DNAH9: variants seen among roughly 807,000 people sequenced by gnomAD.
DNAH9 encodes DNAH9 variant protein.
Under a neutral mutation model 471.6 loss-of-function variants are expected in DNAH9, and 345 were observed. That is an observed-to-expected ratio of 0.73 (90% CI 0.67 to 0.80). The LOEUF is 0.80. Ranked by LOEUF, DNAH9 falls within the 30% of genes least tolerant of loss-of-function variation. DNAH9 has a pLI of 0.00. For synonymous variants in DNAH9, 2,093 were observed against 2,123.6 expected (o/e 0.99, Z 0.40); for missense variants, 5,407 against 5,609.2 (o/e 0.96, Z 1.15).
chr17:11,833,486 G>A (rs546093974), intron 48 of DNAH9, among the ~76,000 whole-genome samples: 1 of 152,212 alleles, frequency 6.6e-6, no homozygotes, highest in South Asian at 2.1e-4. Flanking sequence ...GTGCCCTGCG[G>A]TAGGCGGGCT....
At chr17:11,612,092 G>A in intron 4 of DNAH9, 1 of 582,212 alleles carries the variant, frequency 1.7e-6, no homozygotes, top group Admixed American at 3.0e-5. Flanking sequence ...TATACAGGTG[G>A]AAGAACTTAT....
chr17:11,706,974 T>C (rs2074713650), intron 26 of DNAH9, among the ~76,000 whole-genome samples: 1 of 152,150 alleles, frequency 6.6e-6, no homozygotes. Flanking sequence ...CAGTAAGTAG[T>C]GATAAACTAT....
At chr17:11,668,990 CT>C (rs2073930068) in intron 15 of DNAH9, 73 bp from the exon 16 acceptor site, 1 of 1,060,630 alleles carries the variant, frequency 9.4e-7, no homozygotes, top group Non-Finnish European at 1.4e-6. Flanking sequence ...GCTCTGGGTG[CT>C]TTTAAAACAG....
At chr17:11,802,989 C>G (rs1257964776) in intron 43 of DNAH9, among the ~76,000 whole-genome samples, 1 of 152,152 alleles carries the variant, frequency 6.6e-6, no homozygotes. Flanking sequence ...ATGCTTAACC[C>G]CCAAGCCTAA....
intron 48 of DNAH9, among the ~76,000 whole-genome samples, chr17:11,824,240 T>C (rs1174546437): frequency 6.6e-6 from 1 of 152,228 alleles, no homozygotes; most frequent in African/African-American, 2.4e-5. Context: ...TTGGACATCA[T>C]GTGTTCCTGT....
intron 43 of DNAH9, among the ~76,000 whole-genome samples, chr17:11,805,917 A>G (rs148529278): frequency 2.0e-5 from 3 of 152,088 alleles, no homozygotes; most frequent in Non-Finnish European, 4.4e-5. Context: ...AACCCTCTCC[A>G]GATGGGGTTT....
intron 49 of DNAH9, among the ~76,000 whole-genome samples, chr17:11,849,488 A>G (rs199774928): frequency 6.6e-6 from 1 of 152,180 alleles, no homozygotes; most frequent in East Asian, 1.9e-4. Context: ...CCTCTCAGCC[A>G]TCCTCTCCAC....
chr17:11,622,581 T>G (rs2150661192), intron 6 of DNAH9, among the ~76,000 whole-genome samples: 1 of 152,272 alleles, frequency 6.6e-6, no homozygotes, highest in Non-Finnish European at 1.5e-5. Context: ...GCTCCAGCCC[T>G]GCAGATGGCC....
chr17:11,664,969 G>T lies in DNAH9; in HGVS notation c.2731+1G>T. ...CTCAAGTATCTTCTGGAAAATACTG[G>T]TACTTACTGGCTTATGGATGTGGGT... On this transcript the variant is annotated splice_donor_variant, in intron 15 of 68. Transcript: ENST00000262442. LOFTEE classifies it high-confidence loss of function. 6.2e-7 allele frequency: 1 copy of T among 1,611,858 alleles called. No homozygotes were observed. The highest frequency in any genetic ancestry group is 1.1e-5 in the South Asian group (1 of 90,658).
intron 50 of DNAH9, among the ~76,000 whole-genome samples, chr17:11,866,792 G>T (rs1229563353): frequency 1.3e-5 from 2 of 152,240 alleles, no homozygotes; most frequent in Non-Finnish European, 2.9e-5. Context: ...CTAGCAATCA[G>T]CGAGATTCTG....
At position 11,932,129 on chromosome 17, in the gene DNAH9, G is replaced by A. The variant is rs779993508; in HGVS notation, c.12221G>A (p.Arg4074His). 7.4e-6 allele frequency: 12 copies of A among 1,613,990 alleles called. No individual in the cohort carries two copies. The highest frequency in any genetic ancestry group is 3.3e-4 in the Middle Eastern group (2 of 6,078). The stretch of plus-strand genomic sequence containing the variant: ...AAATTTGGGCCCCAGGGATGGAATC[G>A]CTCATACCCCTTTAACACTGGAGAC... Reference protein sequence around the residue: ...RRKFGPQGWNRSYPFNTGDLT... With the variant: ...RRKFGPQGWNHSYPFNTGDLT... The change falls in exon 64 of 69, where the codon CGC becomes CAC. Residue 4074 changes from arginine to histidine, a missense_variant. Transcript: ENST00000262442. This position sits in a 1 kb window ranked among gnomAD's most constrained non-coding sequence, Gnocchi z 4.3.
At chr17:11,902,654 C>A in intron 59 of DNAH9, 65 bp from the exon 60 acceptor site, 1 of 1,469,560 alleles carries the variant, frequency 6.8e-7, no homozygotes. Flanking sequence ...CCCTCAATCC[C>A]CCAACACAAT....
At chr17:11,619,083 T>A (rs2072803049) in intron 5 of DNAH9, among the ~76,000 whole-genome samples, 1 of 152,230 alleles carries the variant, frequency 6.6e-6, no homozygotes, top group Non-Finnish European at 1.5e-5. Flanking sequence ...CCTTAGATGA[T>A]GTCAGCCAGA....
Position 11,652,866 on chromosome 17 carries a change from C to T in DNAH9, c.2459C>T (p.Thr820Ile). Residue 820 changes from threonine to isoleucine, a missense_variant, in exon 14 of 69, where the codon ACA becomes ATA. Transcript: ENST00000262442. ...NVEEIQNIMKTWVTPIFKTKD... is the reference protein window; with the variant it reads ...NVEEIQNIMKIWVTPIFKTKD... ...GAAGAGATCCAAAACATCATGAAAA[C>T]ATGGGTGACTCCAATATTTAAGACA... is the stretch of plus-strand genomic sequence containing the variant. 1 of 1,614,022 alleles carries T rather than the reference C, an allele frequency of 6.2e-7. No homozygotes were observed.
chr17:11,881,328 A>C lies in DNAH9; in HGVS notation c.10721A>C (p.Asn3574Thr). 1 of 1,614,014 alleles carries C rather than the reference A, an allele frequency of 6.2e-7. No individual in the cohort carries two copies. The highest frequency in any genetic ancestry group is 8.5e-7 in the Non-Finnish European group (1 of 1,179,984). ...CTGCAGGCTCAGGCCACCCTGATCA[A>C]CTTCACCGTGACCAGGGATGGCCTG... ...PELQAQATLI[N>T]FTVTRDGLED... The change falls in exon 55 of 69, where the codon AAC (asparagine) becomes ACC (threonine). Residue 3574 changes from asparagine (N) to threonine (T), a missense_variant. Physicochemically the swap from Asn to Thr is moderately conservative, Grantham distance 65. Around this residue, in one of 3 missense-constraint regions of DNAH9, gnomAD observed 4,636 missense variants for 4,900.3 expected, o/e 0.95. Transcript: ENST00000262442.
chr17:11,702,220 G>A (rs1231155212), intron 24 of DNAH9, among the ~76,000 whole-genome samples: 1 of 152,220 alleles, frequency 6.6e-6, no homozygotes, highest in African/African-American at 2.4e-5. Flanking sequence ...GGCTGCAGGT[G>A]GATTCTGGAA....
intron 2 of DNAH9, among the ~76,000 whole-genome samples, chr17:11,610,013 G>T (rs548915842): frequency 6.6e-6 from 1 of 152,348 alleles, no homozygotes; most frequent in South Asian, 2.1e-4. Flanking sequence ...TCGAGAGCTT[G>T]CTGTCACTGG....
At chr17:11,905,571 C>G in intron 60 of DNAH9, 90 bp from the exon 61 acceptor site, 1 of 1,400,730 alleles carries the variant, frequency 7.1e-7, no homozygotes, top group Non-Finnish European at 9.7e-7. Context: ...TGAGCATGTT[C>G]TTTCATTTCT....
Position 11,635,939 on chromosome 17 carries a change from T to C in DNAH9, c.1636-695T>C, listed in dbSNP as rs754662018. Among the ~76,000 whole-genome samples, 13 of 152,148 alleles carry C rather than the reference T, an allele frequency of 8.5e-5. 1 individual carries two copies. The highest frequency in any genetic ancestry group is 1.3e-4 in the Non-Finnish European group (9 of 68,024). ...CCAACATCCAGCCAACTTAGCTTCTTTTTCTTTTCCATCATTACCTTCTTT... is the reference window on the plus strand; with the variant it reads ...CCAACATCCAGCCAACTTAGCTTCTCTTTCTTTTCCATCATTACCTTCTTT... On this transcript the variant is annotated intron_variant, in intron 8 of 68. Transcript: ENST00000262442.
Sources: allele counts gnomAD v4.1 joint callset (sites outside exome capture counted in the v4.1 genomes callset), GRCh38; gene constraint gnomAD v4.1.1; regional missense constraint gnomAD v4.1.1; non-coding constraint Gnocchi (gnomAD v3.1); transcripts MANE v1.5; gene names NCBI Gene and HGNC (gene_info 2026-07-23, HGNC 2026-07-21).